AUTS2: variants seen among roughly 807,000 people sequenced by gnomAD.
AUTS2 encodes the protein autism susceptibility gene 2 protein.
AUTS2 carries 17 observed loss-of-function variants against 112.4 expected under a neutral mutation model. That is an observed-to-expected ratio of 0.15 (90% CI 0.10 to 0.23). The LOEUF is 0.23. AUTS2 is among the 10% of genes least tolerant of loss of function. The probability of loss-of-function intolerance (pLI) is 1.00; values close to 1 mark genes in which losing one functional copy is unlikely to be tolerated. For missense variants in AUTS2, 1,510 were observed against 1,701.6 expected (o/e 0.89, Z 1.98); for synonymous variants, 751 against 702.7 (o/e 1.07, Z -1.09).
rs561660930 is a variant in AUTS2 at position 69,623,446 on chromosome 7, G to T, written c.309+23484G>T. On this transcript the variant is annotated intron_variant, in intron 1 of 18. Coordinates refer to ENST00000342771, the MANE Select transcript of AUTS2 (RefSeq NM_015570.4). ...AGGGTTTCACCATGTTGCCCAGGCTGGTCTTGAACTCCTGGGCTCAAGGAA... is the reference window on the plus strand; with the variant it reads ...AGGGTTTCACCATGTTGCCCAGGCTTGTCTTGAACTCCTGGGCTCAAGGAA... Among the ~76,000 whole-genome samples the T allele has an allele frequency of 3.5e-5, 5 of 143,796 alleles. No individual in the cohort carries two copies. The South Asian group carries it at 1.1e-3, about 33-fold the overall frequency. The allele number at this position is 143,796 out of a possible 152,430, so 94.3% of individuals were successfully genotyped here.
chr7:69,699,587 A>T (rs879067189), intron 1 of AUTS2, among the ~76,000 whole-genome samples: 6 of 149,940 alleles, frequency 4.0e-5, no homozygotes, highest in African/African-American at 1.5e-4. Context: ...CCTGTCTGAC[A>T]CTTTGGTTAT....
At chr7:70,046,851 G>C (rs1011690286) in intron 2 of AUTS2, among the ~76,000 whole-genome samples, 2 of 152,190 alleles carry the variant, frequency 1.3e-5, no homozygotes, top group Non-Finnish European at 2.9e-5. Flanking sequence ...GTGTCCAAGA[G>C]TGGTGGTGCT....
chr7:70,266,352 C>G (rs1263870809), intron 4 of AUTS2, among the ~76,000 whole-genome samples: 1 of 152,078 alleles, frequency 6.6e-6, no homozygotes, highest in Non-Finnish European at 1.5e-5. Flanking sequence ...TAGGTAAATC[C>G]ATTGCCAGTG....
At chr7:70,044,809 G>T (rs958032550) in intron 2 of AUTS2, among the ~76,000 whole-genome samples, 6 of 152,130 alleles carry the variant, frequency 3.9e-5, no homozygotes, top group African/African-American at 1.2e-4. Context: ...AAATGTCAGG[G>T]TAAGATGACC....
At chr7:69,705,136 G>A (rs504004) in intron 1 of AUTS2, among the ~76,000 whole-genome samples, 38,301 of 152,142 alleles carry the variant, frequency 0.25, 5,594 homozygotes, top group East Asian at 0.56. Flanking sequence ...CACAGTGTTG[G>A]GATTACAGGC....
chr7:70,125,744 A>C (rs1013314550), intron 3 of AUTS2, among the ~76,000 whole-genome samples: 2 of 152,190 alleles, frequency 1.3e-5, no homozygotes, highest in African/African-American at 4.8e-5. Flanking sequence ...TAAGGTGGGA[A>C]AATTTTAAGG....
At chr7:70,546,141 A>G (rs1585283224) in intron 5 of AUTS2, among the ~76,000 whole-genome samples, 2 of 152,228 alleles carry the variant, frequency 1.3e-5, no homozygotes, top group African/African-American at 2.4e-5. Flanking sequence ...AAACACTGCT[A>G]CAGAGTTAAC....
intron 4 of AUTS2, among the ~76,000 whole-genome samples, chr7:70,301,481 A>T (rs1403476683): frequency 1.3e-5 from 2 of 152,150 alleles, no homozygotes; most frequent in African/African-American, 4.8e-5. Flanking sequence ...TAGGGAAAAA[A>T]AGCTCTCTTA....
intron 2 of AUTS2, among the ~76,000 whole-genome samples, chr7:69,908,712 G>A (rs1354208228): frequency 2.0e-5 from 3 of 152,184 alleles, no homozygotes; most frequent in Admixed American, 6.5e-5. Context: ...ATTTGCTCAG[G>A]AAGTGTTTGC....
At chr7:70,380,318 G>A (rs761608083) in intron 4 of AUTS2, among the ~76,000 whole-genome samples, 5 of 148,730 alleles carry the variant, frequency 3.4e-5, no homozygotes, top group Non-Finnish European at 7.4e-5. Flanking sequence ...ATTCAGTGCA[G>A]GTAGAATTGT....
At chr7:70,000,743 C>T (rs1275626752) in intron 2 of AUTS2, among the ~76,000 whole-genome samples, 1 of 152,060 alleles carries the variant, frequency 6.6e-6, no homozygotes, top group Non-Finnish European at 1.5e-5. Flanking sequence ...TCCCATCTGC[C>T]CCATATCCAA....
chr7:70,630,930 G>A (rs549829397), intron 5 of AUTS2, among the ~76,000 whole-genome samples: 9 of 152,260 alleles, frequency 5.9e-5, no homozygotes, highest in Non-Finnish European at 8.8e-5. Context: ...ACTTAATGGC[G>A]CAATTAATTT....
chr7:69,902,210 T>A (rs1166873341), intron 2 of AUTS2, among the ~76,000 whole-genome samples: 1 of 152,176 alleles, frequency 6.6e-6, no homozygotes, highest in Non-Finnish European at 1.5e-5. Context: ...TATGTGATCA[T>A]TGGTAAAAGG....
intron 1 of AUTS2, among the ~76,000 whole-genome samples, chr7:69,805,256 G>T (rs1790249761): frequency 6.6e-6 from 1 of 152,180 alleles, no homozygotes; most frequent in African/African-American, 2.4e-5. Context: ...TACATTTGTG[G>T]CAAGTGCTTT....
rs373620695 is a variant in AUTS2, at chr7:70,781,608, T to C, written c.2005-7T>C. 4 of 1,613,932 alleles carry C rather than the reference T, an allele frequency of 2.5e-6. No individual in the cohort carries two copies. The highest frequency in any genetic ancestry group is 2.7e-5 in the African/African-American group (2 of 74,926). ...TTGGGACCCTTACTGTTCCCCTTGCTGTGTAGAAACAGATGCAGTCAGACC... is the reference window on the plus strand; with the variant it reads ...TTGGGACCCTTACTGTTCCCCTTGCCGTGTAGAAACAGATGCAGTCAGACC... On this transcript the variant is annotated splice_region_variant and splice_polypyrimidine_tract_variant and intron_variant, in intron 14 of 18. Transcript: ENST00000342771.
intron 5 of AUTS2, among the ~76,000 whole-genome samples, chr7:70,628,815 C>T (rs962217119): frequency 7.9e-5 from 12 of 152,168 alleles, no homozygotes; most frequent in African/African-American, 2.2e-4. Context: ...TGGGAAAGCA[C>T]GGGTAAACGG....
At chr7:69,964,159 T>A (rs1797539845) in intron 2 of AUTS2, among the ~76,000 whole-genome samples, 1 of 152,140 alleles carries the variant, frequency 6.6e-6, no homozygotes, top group South Asian at 2.1e-4. Flanking sequence ...ACAGTTACAG[T>A]CTTCTCAGGG....
intron 5 of AUTS2, among the ~76,000 whole-genome samples, chr7:70,552,210 A>G (rs1801044358): frequency 6.6e-6 from 1 of 152,206 alleles, no homozygotes; most frequent in Non-Finnish European, 1.5e-5. Context: ...CAGTTCCACT[A>G]GAGATGTGCA....
intron 4 of AUTS2, 37 bp from the exon 5 acceptor site, chr7:70,435,715 C>T (rs1339924597): frequency 6.2e-7 from 1 of 1,611,762 alleles, no homozygotes; most frequent in East Asian, 2.2e-5. Context: ...ATACTCAGTT[C>T]TTGCACTAAC....
Sources: gnomAD v4.1 joint callset for allele counts (sites outside exome capture counted in the v4.1 genomes callset) on GRCh38, gnomAD v4.1.1 for gene constraint, MANE v1.5 for transcripts, NCBI Gene and HGNC (gene_info 2026-07-23, HGNC 2026-07-21) for gene names.